The following EML4 variants were observed in gnomAD, a reference collection of about 807,000 sequenced individuals.
EML4 encodes the protein EMAP like 4, also known as echinoderm microtubule-associated protein-like 4.
In EML4, 72 loss-of-function variants were observed where a neutral mutation model predicts 129.0. That is an observed-to-expected ratio of 0.56 (90% CI 0.46 to 0.68). The LOEUF (loss-of-function observed/expected upper bound fraction) is 0.68, where lower values mean the gene tolerates loss of function less well. Among genes scored for constraint, EML4 ranks in the 30% least tolerant of loss-of-function variants. The probability of loss-of-function intolerance (pLI) is 0.00; values close to 1 mark genes in which losing one functional copy is unlikely to be tolerated. For synonymous variants in EML4, 532 were observed against 405.0 expected (o/e 1.31, Z -3.77); for missense variants, 1,363 against 1,190.6 (o/e 1.14, Z -2.13).
At chr2:42,234,045 G>A (rs1437903559) in intron 1 of EML4, among the ~76,000 whole-genome samples, 2 of 152,216 alleles carry the variant, frequency 1.3e-5, no homozygotes, top group Non-Finnish European at 2.9e-5. Context: ...CTTTTCTGCT[G>A]CCTAGGGTTT....
At chr2:42,264,387 G>C (rs1160903794) in intron 5 of EML4, among the ~76,000 whole-genome samples, 1 of 152,094 alleles carries the variant, frequency 6.6e-6, no homozygotes, top group African/African-American at 2.4e-5. Flanking sequence ...CAAAGTGCTA[G>C]GATTACAGGT....
At position 42,305,707 on chromosome 2, in the gene EML4, A is replaced by C. The variant is rs184684894; in HGVS notation, c.1967+1156A>C. 7.4e-3 allele frequency among the ~76,000 whole-genome samples: 1,121 copies of C among 152,342 alleles called. 29 individuals are homozygous for C. The highest frequency in any genetic ancestry group is 5.0e-3 in the Non-Finnish European group (341 of 68,026). Reference sequence around the variant, plus strand: ...TCCTTCTCACATTTTTTAAGGAGACAAAAACATGAAGTCAATTTTCCCAAA... The same window carrying C: ...TCCTTCTCACATTTTTTAAGGAGACCAAAACATGAAGTCAATTTTCCCAAA... On this transcript the variant is annotated intron_variant, in intron 17 of 22. Transcript: ENST00000318522.
At chr2:42,170,922 G>A (rs901642303) in intron 1 of EML4, among the ~76,000 whole-genome samples, 1 of 152,170 alleles carries the variant, frequency 6.6e-6, no homozygotes, top group Non-Finnish European at 1.5e-5. Flanking sequence ...AGAGCAATGG[G>A]CCTATTATAG....
rs578148831 is a variant in EML4, at chr2:42,328,135, A to G, written c.2342-751A>G. Among the ~76,000 whole-genome samples the G allele has an allele frequency of 1.6e-3, 247 of 152,348 alleles. 1 individual carries two copies. Among genetic ancestry groups the G allele is most frequent in the African/African-American group, 5.7e-3 (239 of 41,584 alleles). On this transcript the variant is annotated intron_variant, in intron 21 of 22. Coordinates refer to ENST00000318522, the MANE Select transcript of EML4 (RefSeq NM_019063.5). ...TTATTTAAATTATTAAGAGAGACCA[A>G]TTTTAAAGTATTTTGACTTGTTTTT...
chr2:42,200,153 C>CAAAAAAA (rs11421705), intron 1 of EML4, among the ~76,000 whole-genome samples: 6 of 84,458 alleles, frequency 7.1e-5, no homozygotes, highest in African/African-American at 1.6e-4. Flanking sequence ...ACTAAAAATA[C>CAAAAAAA]AAAAAAAAAA....
chr2:42,211,119 T>C (rs1672861712), intron 1 of EML4, among the ~76,000 whole-genome samples: 1 of 152,194 alleles, frequency 6.6e-6, no homozygotes, highest in Non-Finnish European at 1.5e-5. Flanking sequence ...GAAATACCTA[T>C]AATGTGCTTG....
At chr2:42,284,529 G>GTTT (rs1667182527) in intron 8 of EML4, 105 bp from the exon 9 acceptor site, 1 of 640,990 alleles carries the variant, frequency 1.6e-6, no homozygotes, top group Admixed American at 3.2e-5. Context: ...ATAAACGTAT[G>GTTT]TTTTTTAACG....
intron 1 of EML4, among the ~76,000 whole-genome samples, chr2:42,184,759 C>G (rs963626545): frequency 1.3e-5 from 2 of 152,070 alleles, no homozygotes; most frequent in African/African-American, 4.8e-5. Flanking sequence ...TTTGATTTTC[C>G]TTACAGAGAT....
rs1672831201 is a variant in EML4 at position 42,210,567 on chromosome 2, G to A, written c.26-34938G>A. Among the ~76,000 whole-genome samples, 4 of 152,192 alleles carry A rather than the reference G, an allele frequency of 2.6e-5. No homozygotes were observed. In the South Asian group the frequency reaches 8.3e-4, roughly 32 times the overall value. ...CACAGCCCACACTTAAGAAGTGGGT[G>A]TGGAGTTATGCTTCACTTCTTGAAG... On this transcript the variant is annotated intron_variant, in intron 1 of 22. Coordinates refer to ENST00000318522, the MANE Select transcript of EML4 (RefSeq NM_019063.5).
chr2:42,295,267 T>G lies in EML4; in HGVS notation c.1353+8T>G, dbSNP rs201733430. On this transcript the variant is annotated splice_region_variant and intron_variant, in intron 12 of 22. Coordinates refer to ENST00000318522, the MANE Select transcript of EML4 (RefSeq NM_019063.5). ...AAACAGGGAATTTTTGGGGTAAGAATCAGATTGTTTTAATGTCATTAGGTG... is the reference window on the plus strand; with the variant it reads ...AAACAGGGAATTTTTGGGGTAAGAAGCAGATTGTTTTAATGTCATTAGGTG... The G allele has an allele frequency of 6.2e-7, 1 of 1,612,656 alleles. No homozygotes were observed. Among genetic ancestry groups the G allele is most frequent in the East Asian group, 2.2e-5 (1 of 44,850 alleles).
chr2:42,224,967 T>G (rs1424843497), intron 1 of EML4, among the ~76,000 whole-genome samples: 2 of 152,114 alleles, frequency 1.3e-5, no homozygotes, highest in East Asian at 3.8e-4. Context: ...TCAATGAATT[T>G]GCCTATTCTA....
chr2:42,284,847 A>T, intron 9 of EML4, 144 bp downstream of exon 9: 1 of 525,698 alleles, frequency 1.9e-6, no homozygotes, highest in Non-Finnish European at 3.2e-6. Context: ...TGGAAAAAAC[A>T]TTAGGATATA....
intron 1 of EML4, 95 bp from the exon 2 acceptor site, chr2:42,245,410 C>T: frequency 8.1e-7 from 1 of 1,237,130 alleles, no homozygotes; most frequent in Non-Finnish European, 1.1e-6. Flanking sequence ...TTTTTCTCAT[C>T]TTTTGTAAGT....
chr2:42,274,127 G>GA (rs1338572716), intron 6 of EML4, among the ~76,000 whole-genome samples: 3 of 152,070 alleles, frequency 2.0e-5, no homozygotes, highest in Non-Finnish European at 4.4e-5. Context: ...GATAGTATCA[G>GA]AAAAAAGGCT....
chr2:42,292,380 C>T (rs73933521), intron 11 of EML4, among the ~76,000 whole-genome samples: 16,118 of 152,172 alleles, frequency 0.11, 908 homozygotes, highest in Middle Eastern at 0.21. Flanking sequence ...TGCCCATCAG[C>T]AGGAGAATGG....
chr2:42,215,538 T>C (rs1673134275), intron 1 of EML4, among the ~76,000 whole-genome samples: 1 of 152,050 alleles, frequency 6.6e-6, no homozygotes, highest in East Asian at 1.9e-4. Context: ...TTATAAAAAA[T>C]GTTTAAGAAG....
chr2:42,179,364 T>C (rs985261791), intron 1 of EML4, among the ~76,000 whole-genome samples: 1 of 152,208 alleles, frequency 6.6e-6, no homozygotes, highest in East Asian at 1.9e-4. Context: ...TACCTGATTT[T>C]AGACTGGATC....
chr2:42,176,374 C>A (rs1183408877), intron 1 of EML4, among the ~76,000 whole-genome samples: 1 of 152,168 alleles, frequency 6.6e-6, no homozygotes, highest in Non-Finnish European at 1.5e-5. Context: ...TCAGATTTAT[C>A]TTCCTAAAGC....
intron 21 of EML4, among the ~76,000 whole-genome samples, chr2:42,328,026 A>G (rs1417670806): frequency 6.6e-6 from 1 of 152,248 alleles, no homozygotes; most frequent in African/African-American, 2.4e-5. Context: ...AATTCTGTCC[A>G]TAAACAATTT....
Sources: allele counts gnomAD v4.1 joint callset (sites outside exome capture counted in the v4.1 genomes callset), GRCh38; gene constraint gnomAD v4.1.1; transcripts MANE v1.5; gene names NCBI Gene and HGNC (gene_info 2026-07-23, HGNC 2026-07-21).